CYB5R4: variants seen among roughly 807,000 people sequenced by gnomAD.
CYB5R4 encodes cytochrome b5 reductase 4.
In CYB5R4, 55 loss-of-function variants were observed where a neutral mutation model predicts 70.2. The ratio of observed to expected loss-of-function variants is 0.78; its 90% CI spans 0.63 to 0.98. The LOEUF (loss-of-function observed/expected upper bound fraction) is 0.98, where lower values mean the gene tolerates loss of function less well. CYB5R4 is among the 50% of genes least tolerant of loss of function. The pLI is 0.00. For missense variants in CYB5R4, 562 were observed against 612.6 expected, an observed-to-expected ratio of 0.92 and a Z score of 0.87; for synonymous variants, 197 against 199.5, an observed-to-expected ratio of 0.99 and a Z score of 0.11.
intron 12 of CYB5R4, among the ~76,000 whole-genome samples, chr6:83,936,987 A>C (rs2099469012): frequency 6.6e-6 from 1 of 152,184 alleles, no homozygotes; most frequent in South Asian, 2.1e-4. Flanking sequence ...AAAAGACCCA[A>C]ACATGGGCTG....
rs574077537 is a variant in CYB5R4, at chr6:83,897,168, T to C, written c.330+3546T>C. Among the ~76,000 whole-genome samples, 37 of 152,206 alleles carry C rather than the reference T, an allele frequency of 2.4e-4. No homozygotes were observed. In the East Asian group the frequency reaches 7.2e-3, roughly 29 times the overall value. On this transcript the variant is annotated intron_variant, in intron 3 of 15. Transcript: ENST00000369681. ...GAGTGAGAACATGCGGTGTTTGGTT[T>C]TTTGTCCTTGCGATAGTTTGCTGAG...
chr6:83,888,074 A>G (rs530680448), intron 2 of CYB5R4, among the ~76,000 whole-genome samples: 1 of 152,310 alleles, frequency 6.6e-6, no homozygotes, highest in South Asian at 2.1e-4. Flanking sequence ...CTGCTGGCCC[A>G]TAATTATTAT....
At chr6:83,900,936 G>C (rs1365997204) in intron 3 of CYB5R4, among the ~76,000 whole-genome samples, 2 of 152,178 alleles carry the variant, frequency 1.3e-5, no homozygotes, top group African/African-American at 2.4e-5. Flanking sequence ...GCTGTTTTGT[G>C]TCTTTTAATT....
intron 10 of CYB5R4, among the ~76,000 whole-genome samples, chr6:83,932,143 T>C (rs1275092462): frequency 6.6e-6 from 1 of 152,210 alleles, no homozygotes; most frequent in Non-Finnish European, 1.5e-5. Flanking sequence ...TGTCTGTGCT[T>C]TCTCCTTGAT....
intron 10 of CYB5R4, among the ~76,000 whole-genome samples, chr6:83,932,377 A>C (rs900384003): frequency 6.6e-6 from 1 of 152,220 alleles, no homozygotes; most frequent in African/African-American, 2.4e-5. Context: ...GGAGAGTTGC[A>C]TAGTTACTAT....
At chr6:83,914,561 G>T in intron 5 of CYB5R4, 113 bp downstream of exon 5, 3 of 953,310 alleles carry the variant, frequency 3.1e-6, no homozygotes, top group South Asian at 3.9e-5. Context: ...TTTTTGAGAT[G>T]GAGTATTGCT....
At chr6:83,956,374 G>A (rs966854384) in intron 15 of CYB5R4, among the ~76,000 whole-genome samples, 1 of 152,158 alleles carries the variant, frequency 6.6e-6, no homozygotes, top group Non-Finnish European at 1.5e-5. Context: ...GCTGGATTGG[G>A]GGGGGCACGG....
In CYB5R4 at chr6:83,940,130, T is replaced by A. The variant is rs779583524; in HGVS notation, c.1183T>A (p.Leu395Met). 1.2e-6 allele frequency: 2 copies of A among 1,613,120 alleles called. No individual in the cohort carries two copies. Among genetic ancestry groups the A allele is most frequent in the Non-Finnish European group, 1.7e-6 (2 of 1,179,332 alleles). ...GTTCCAAGAATTAGAAGATCTCTTT[T>A]TGTTGGCAGCTGGAACAGGCTTCAC... The part of the protein sequence containing the change: ...SKFQELEDLF[L>M]LAAGTGFTPM... The change falls in exon 13 of 16, where the codon TTG (leucine) becomes ATG (methionine). Residue 395 changes from leucine (L) to methionine (M), a missense_variant. Transcript: ENST00000369681.
intron 5 of CYB5R4, among the ~76,000 whole-genome samples, chr6:83,917,382 G>A (rs1373411555): frequency 1.3e-5 from 2 of 152,034 alleles, no homozygotes; most frequent in African/African-American, 4.8e-5. Flanking sequence ...AACCAAAAAT[G>A]TAGATATGTG....
At chr6:83,931,322 C>A (rs2129141632) in intron 10 of CYB5R4, among the ~76,000 whole-genome samples, 1 of 152,250 alleles carries the variant, frequency 6.6e-6, no homozygotes, top group East Asian at 1.9e-4. Flanking sequence ...GCTTCTGTTT[C>A]CAGCAGGGAA....
intron 2 of CYB5R4, among the ~76,000 whole-genome samples, chr6:83,875,074 G>C (rs556970440): frequency 6.6e-6 from 1 of 152,042 alleles, no homozygotes; most frequent in South Asian, 2.1e-4. Context: ...GCCTGCCTCA[G>C]CCTCCCAAAG....
intron 2 of CYB5R4, among the ~76,000 whole-genome samples, chr6:83,876,015 G>A (rs1182149542): frequency 2.0e-5 from 3 of 152,138 alleles, no homozygotes; most frequent in Non-Finnish European, 2.9e-5. Context: ...GCCTCTGACA[G>A]TAGGGATATT....
In CYB5R4 at chr6:83,917,115, A is replaced by C. The variant is rs375522591; in HGVS notation, c.446-890A>C. 2.0e-5 allele frequency among the ~76,000 whole-genome samples: 3 copies of C among 152,062 alleles called. No homozygotes were observed. In the East Asian group the frequency reaches 5.8e-4, roughly 29 times the overall value. On this transcript the variant is annotated intron_variant, in intron 5 of 15. Coordinates refer to ENST00000369681, the MANE Select transcript of CYB5R4 (RefSeq NM_016230.4). ...CAGAGTTTTCTGAAGTCATTTAAAA[A>C]CCATAGCATTAGTGGGCTTTTAAAA...
At chr6:83,905,954 A>G (rs1386063788) in intron 3 of CYB5R4, among the ~76,000 whole-genome samples, 1 of 152,030 alleles carries the variant, frequency 6.6e-6, no homozygotes, top group Non-Finnish European at 1.5e-5. Context: ...GGCCCCTGGG[A>G]GGAGTGTTCA....
At chr6:83,953,820 CTAAA>C (rs2099471908) in intron 14 of CYB5R4, among the ~76,000 whole-genome samples, 1 of 152,114 alleles carries the variant, frequency 6.6e-6, no homozygotes, top group East Asian at 1.9e-4. Flanking sequence ...ATGATTTAGA[CTAAA>C]TGAATACATT....
At chr6:83,900,091 C>G (rs2099462646) in intron 3 of CYB5R4, among the ~76,000 whole-genome samples, 1 of 152,152 alleles carries the variant, frequency 6.6e-6, no homozygotes, top group Non-Finnish European at 1.5e-5. Flanking sequence ...CCTGCTTTCT[C>G]TTGTGGGCAT....
At chr6:83,914,539 T>C in intron 5 of CYB5R4, 91 bp downstream of exon 5, 1 of 1,174,336 alleles carries the variant, frequency 8.5e-7, no homozygotes, top group Non-Finnish European at 1.1e-6. Context: ...TTAAATTTTT[T>C]TCTTTTTTTT....
At chr6:83,894,878 T>G (rs1202504241) in intron 3 of CYB5R4, among the ~76,000 whole-genome samples, 1 of 152,142 alleles carries the variant, frequency 6.6e-6, no homozygotes, top group Non-Finnish European at 1.5e-5. Flanking sequence ...TAGGGAGGGT[T>G]GGTCTTTCTG....
intron 11 of CYB5R4, among the ~76,000 whole-genome samples, chr6:83,935,378 A>G (rs143779593): frequency 6.6e-6 from 1 of 152,134 alleles, no homozygotes; most frequent in East Asian, 1.9e-4. Context: ...GTCTCAGAAG[A>G]TATGATATAT....
Sources: gnomAD v4.1 joint callset for allele counts (sites outside exome capture counted in the v4.1 genomes callset) on GRCh38, gnomAD v4.1.1 for gene constraint, MANE v1.5 for transcripts, NCBI Gene and HGNC (gene_info 2026-07-23, HGNC 2026-07-21) for gene names.